Variants in OR6C1 observed in about 807,000 individuals in gnomAD.
OR6C1 encodes the protein olfactory receptor 6C1.
For missense variants in OR6C1, 386 were observed against 366.1 expected (o/e 1.05, Z -0.44); for synonymous variants, 157 against 133.3 (o/e 1.18, Z -1.22).
intron 1 of OR6C1, among the ~76,000 whole-genome samples, chr12:55,319,914 G>A (rs187574558): frequency 8.5e-5 from 13 of 152,298 alleles, no homozygotes; most frequent in Admixed American, 2.6e-4. Context: ...GCCAAGGGGC[G>A]TGGATCACTG....
intron 1 of OR6C1, among the ~76,000 whole-genome samples, chr12:55,319,594 A>G (rs1868485783): frequency 6.6e-6 from 1 of 152,200 alleles, no homozygotes; most frequent in Admixed American, 6.5e-5. Flanking sequence ...GCAATGAGTA[A>G]AACTACCCAT....
chr12:55,320,276 G>A (rs1868505935), intron 1 of OR6C1, among the ~76,000 whole-genome samples: 1 of 152,136 alleles, frequency 6.6e-6, no homozygotes, highest in East Asian at 1.9e-4. Context: ...AAACTTGTAG[G>A]CATGTCTTTG....
chr12:55,319,937 T>C (rs1429647556), intron 1 of OR6C1, among the ~76,000 whole-genome samples: 1 of 152,134 alleles, frequency 6.6e-6, no homozygotes, highest in African/African-American at 2.4e-5. Context: ...GGTCAGGAGT[T>C]CGAGACCAGC....
chr12:55,316,096 T>TACACAC (rs35664107), intron 1 of OR6C1, among the ~76,000 whole-genome samples: 19 of 140,996 alleles, frequency 1.3e-4, no homozygotes, highest in South Asian at 1.3e-3. Flanking sequence ...AAAAAGTACA[T>TACACAC]ACACACACAC....
At chr12:55,315,157 A>C (rs1173083712) in intron 1 of OR6C1, among the ~76,000 whole-genome samples, 1 of 150,728 alleles carries the variant, frequency 6.6e-6, no homozygotes, top group Non-Finnish European at 1.5e-5. Context: ...TATTTCAATT[A>C]ATTCCCAAAA....
At chr12:55,316,094 C>T (rs1320766473) in intron 1 of OR6C1, among the ~76,000 whole-genome samples, 1 of 123,378 alleles carries the variant, frequency 8.1e-6, no homozygotes, top group Non-Finnish European at 1.6e-5. Flanking sequence ...TTAAAAAGTA[C>T]ATACACACAC....
intron 1 of OR6C1, among the ~76,000 whole-genome samples, chr12:55,316,504 C>A (rs1868413261): frequency 6.6e-6 from 1 of 151,788 alleles, no homozygotes; most frequent in African/African-American, 2.4e-5. Flanking sequence ...AAGCCATATT[C>A]TTCCAGGAGA....
intron 1 of OR6C1, among the ~76,000 whole-genome samples, chr12:55,315,551 A>G (rs1868395099): frequency 6.6e-6 from 1 of 151,802 alleles, no homozygotes. Context: ...ACACACTTGT[A>G]TGAAGGTTGA....
rs144528727 is a variant in OR6C1, at chr12:55,318,609, A to G, written c.-33-1958A>G. On this transcript the variant is annotated intron_variant, in intron 1 of 1. Transcript: ENST00000642104. ...TTTTCTAAATGCTTTATAAATATAT[A>G]TTATACAATATATAATAAATTTATT... Among the ~76,000 whole-genome samples the G allele has an allele frequency of 2.5e-3, 372 of 148,098 alleles. 2 individuals are homozygous for G. The highest frequency in any genetic ancestry group is 8.6e-3 in the African/African-American group (352 of 40,934).
chr12:55,317,385 G>A (rs1352014330), intron 1 of OR6C1, among the ~76,000 whole-genome samples: 1 of 152,030 alleles, frequency 6.6e-6, no homozygotes. Context: ...TTAAACTTAT[G>A]TATCAATAAA....
In OR6C1 at chr12:55,322,279, T is replaced by G. The variant is rs1565662664; in HGVS notation, c.*741T>G. On this transcript the variant is annotated 3_prime_UTR_variant, in exon 2 of 2. Transcript: ENST00000642104. The stretch of plus-strand genomic sequence containing the variant: ...TTCTGTGAGTGGAAAATAAGCTTCT[T>G]TCTATCATTACCTAAAAGTAGTATG... The G allele has an allele frequency of 6.6e-6, 1 of 151,992 alleles. No homozygotes were observed. Among genetic ancestry groups the G allele is most frequent in the African/African-American group, 2.4e-5 (1 of 41,448 alleles). The allele number at this position is 151,992 out of a possible 1,614,324, so 9.4% of individuals were successfully genotyped here.
At chr12:55,317,933 A>T (rs914805412) in intron 1 of OR6C1, among the ~76,000 whole-genome samples, 2 of 144,856 alleles carry the variant, frequency 1.4e-5, no homozygotes, top group South Asian at 2.1e-4. Context: ...TATATATATT[A>T]TATATATATG....
chr12:55,316,223 A>G (rs905678706), intron 1 of OR6C1, among the ~76,000 whole-genome samples: 1 of 151,436 alleles, frequency 6.6e-6, no homozygotes, highest in Non-Finnish European at 1.5e-5. Context: ...TTTAGTCTCT[A>G]ACAGTCCCTT....
chr12:55,318,997 A>C (rs1868469303), intron 1 of OR6C1, among the ~76,000 whole-genome samples: 1 of 152,114 alleles, frequency 6.6e-6, no homozygotes, highest in Non-Finnish European at 1.5e-5. Context: ...CAAATCTTGG[A>C]GAATACTTAT....
chr12:55,316,374 G>A (rs1167016714), intron 1 of OR6C1, among the ~76,000 whole-genome samples: 1 of 151,710 alleles, frequency 6.6e-6, no homozygotes, highest in African/African-American at 2.4e-5. Context: ...ATTTTATTTA[G>A]TAAATATTAA....
chr12:55,318,334 G>A (rs1868449878), intron 1 of OR6C1, among the ~76,000 whole-genome samples: 1 of 151,146 alleles, frequency 6.6e-6, no homozygotes, highest in South Asian at 2.1e-4. Context: ...TGTAGACAAG[G>A]AAGAGCAAAG....
chr12:55,320,718 A>C lies in OR6C1; in HGVS notation c.119A>C (p.Asn40Thr). 1 of 1,613,962 alleles carries C rather than the reference A, an allele frequency of 6.2e-7. No individual in the cohort carries two copies. The change falls in exon 2 of 2, where the codon AAC becomes ACC. Residue 40 changes from asparagine to threonine, a missense_variant. By Grantham distance (65) the Asn-to-Thr change is moderately conservative. Coordinates refer to ENST00000642104, the MANE Select transcript of OR6C1 (RefSeq NM_001005182.2). The stretch of plus-strand genomic sequence containing the variant: ...ACCTACATGCTCAGCATCACTGGGA[A>C]CCTGACCCTTATCACAATTACCCTG... ...LITYMLSITG[N>T]LTLITITLLD... is the part of the protein sequence containing the mutation.
intron 1 of OR6C1, among the ~76,000 whole-genome samples, chr12:55,315,280 C>T (rs74999237): frequency 0.036 from 5,478 of 151,588 alleles, 127 homozygotes; most frequent in Middle Eastern, 0.072. Flanking sequence ...ATCTCTCTAA[C>T]GTTAAAGCCT....
rs1237396694 is a variant in OR6C1 at position 55,314,563 on chromosome 12, C to T, written c.-70C>T. 1 of 151,526 alleles carries T rather than the reference C, an allele frequency of 6.6e-6. No homozygotes were observed. Among genetic ancestry groups the T allele is most frequent in the African/African-American group, 2.4e-5 (1 of 41,366 alleles). The allele number at this position is 151,526 out of a possible 1,614,324, so 9.4% of individuals were successfully genotyped here. A position where few individuals can be genotyped will look rare whatever the true frequency, so the allele number is the denominator to read the frequency against. On this transcript the variant is annotated 5_prime_UTR_variant, in exon 1 of 2. Transcript: ENST00000642104. Reference sequence around the variant, plus strand: ...TTGCTAATATCTCTACTATTCCAGCCATTCTGAATGTTAGTGAAACTATAT... The same window carrying T: ...TTGCTAATATCTCTACTATTCCAGCTATTCTGAATGTTAGTGAAACTATAT...
Sources: gnomAD v4.1 joint callset for allele counts (sites outside exome capture counted in the v4.1 genomes callset) on GRCh38, gnomAD v4.1.1 for gene constraint, MANE v1.5 for transcripts, NCBI Gene and HGNC (gene_info 2026-07-23, HGNC 2026-07-21) for gene names.